LONRF1: variants seen among roughly 807,000 people sequenced by gnomAD.
LONRF1 encodes the protein LON peptidase N-terminal domain and RING finger protein 1.
LONRF1 carries 37 observed loss-of-function variants against 85.8 expected under a neutral mutation model. That is an observed-to-expected ratio of 0.43 (90% CI 0.33 to 0.57). The LOEUF is 0.57. LONRF1 is among the 20% of genes least tolerant of loss of function. LONRF1 has a pLI of 0.04. For synonymous variants in LONRF1, 517 were observed against 390.1 expected, an observed-to-expected ratio of 1.33 and a Z score of -3.83; for missense variants, 1,036 against 978.0, an observed-to-expected ratio of 1.06 and a Z score of -0.79.
At position 12,735,602 on chromosome 8, in the gene LONRF1, TGCCAAAGGCCTAGA is replaced by T; in HGVS notation, c.1452-216_1452-203del. 5 of 530,194 alleles carry T rather than the reference TGCCAAAGGCCTAGA, an allele frequency of 9.4e-6. No homozygotes were observed. The South Asian group carries it at 1.1e-4, about 12-fold the overall frequency. The allele number at this position is 530,194 out of a possible 1,614,324, so 32.8% of individuals were successfully genotyped here. A position where few individuals can be genotyped will look rare whatever the true frequency, so the allele number is the denominator to read the frequency against. On this transcript the variant is annotated intron_variant, in intron 6 of 11. Coordinates refer to ENST00000398246, the MANE Select transcript of LONRF1 (RefSeq NM_152271.5). ...AAATTCTCCATCAACAAAGGCCTCC[TGCCAAAGGCCTAGA>T]GCCAAGGGCCTAGAGCTGTCCTGAC...
chr8:12,754,355 A>C, intron 1 of LONRF1: 2 of 192,934 alleles, frequency 1.0e-5, no homozygotes, highest in East Asian at 1.2e-4. Flanking sequence ...GGGATAGCCC[A>C]GCTACCACCC....
rs80200850 is a variant in LONRF1, at chr8:12,723,059, G to A, written c.*37C>T. ...GACAATCTGGCCATCAATGCAGCCA[G>A]ATTAGGGTCACTTTAAAGGGAGATC... On this transcript the variant is annotated 3_prime_UTR_variant, in exon 12 of 12. Coordinates refer to ENST00000398246, the MANE Select transcript of LONRF1 (RefSeq NM_152271.5). 0.054 allele frequency: 84,796 copies of A among 1,557,958 alleles called. 2,781 individuals are homozygous for A. Among genetic ancestry groups the A allele is most frequent in the Non-Finnish European group, 0.066 (75,510 of 1,148,922 alleles).
At chr8:12,729,950 G>C (rs138404318) in intron 8 of LONRF1, among the ~76,000 whole-genome samples, 1 of 152,276 alleles carries the variant, frequency 6.6e-6, no homozygotes, top group African/African-American at 2.4e-5. Context: ...TGGCAGCATG[G>C]GGGCACTCTG....
At chr8:12,746,986 C>T (rs2117328018) in intron 1 of LONRF1, among the ~76,000 whole-genome samples, 1 of 152,308 alleles carries the variant, frequency 6.6e-6, no homozygotes, top group African/African-American at 2.4e-5. Flanking sequence ...CGTATATATA[C>T]ATTATTTATT....
At chr8:12,750,211 G>T (rs143069632) in intron 1 of LONRF1, among the ~76,000 whole-genome samples, 1 of 152,260 alleles carries the variant, frequency 6.6e-6, no homozygotes, top group East Asian at 1.9e-4. Flanking sequence ...GATCAATTAC[G>T]ATAATAGAAA....
Position 12,755,428 on chromosome 8 carries a change from G to T in LONRF1, c.-8C>A. On this transcript the variant is annotated 5_prime_UTR_variant, in exon 1 of 12. Coordinates refer to ENST00000398246, the MANE Select transcript of LONRF1 (RefSeq NM_152271.5). The stretch of plus-strand genomic sequence containing the variant: ...CACCGCCGGAGAGGACATGGCCCGC[G>T]GAGGGCTGCGCCGCCGCCGCCCGCC... 8.8e-7 allele frequency: 1 copy of T among 1,135,384 alleles called. No individual in the cohort carries two copies. Among genetic ancestry groups the T allele is most frequent in the Non-Finnish European group, 1.1e-6 (1 of 926,654 alleles). 70.3% of individuals were successfully genotyped at this position (1,135,384 alleles called of 1,614,324 possible). A position where few individuals can be genotyped will look rare whatever the true frequency, so the allele number is the denominator to read the frequency against.
intron 1 of LONRF1, among the ~76,000 whole-genome samples, chr8:12,746,170 T>C (rs1799145323): frequency 6.6e-6 from 1 of 152,194 alleles, no homozygotes; most frequent in South Asian, 2.1e-4. Flanking sequence ...AAATCTCTAA[T>C]ACTATTGCAA....
At chr8:12,740,047 A>C (rs1187732455) in intron 3 of LONRF1, among the ~76,000 whole-genome samples, 2 of 152,158 alleles carry the variant, frequency 1.3e-5, no homozygotes, top group Non-Finnish European at 2.9e-5. Context: ...TCTGAATCAA[A>C]GACTTGTAGT....
chr8:12,748,136 C>A (rs1799237642), intron 1 of LONRF1, among the ~76,000 whole-genome samples: 1 of 152,134 alleles, frequency 6.6e-6, no homozygotes, highest in Non-Finnish European at 1.5e-5. Flanking sequence ...AAACGTCTAT[C>A]TTTATGTACC....
intron 1 of LONRF1, among the ~76,000 whole-genome samples, chr8:12,744,600 G>C (rs1166064521): frequency 6.6e-6 from 1 of 152,124 alleles, no homozygotes; most frequent in Non-Finnish European, 1.5e-5. Context: ...TTATAATCTA[G>C]CTAGAAAATT....
chr8:12,737,789 G>C (rs4072355), intron 4 of LONRF1, among the ~76,000 whole-genome samples: 29,246 of 152,022 alleles, frequency 0.19, 3,399 homozygotes, highest in East Asian at 0.35. Context: ...TTCTTTCACG[G>C]GACCTAAAAT....
At chr8:12,729,567 G>A (rs1443427424) in intron 8 of LONRF1, among the ~76,000 whole-genome samples, 3 of 152,142 alleles carry the variant, frequency 2.0e-5, no homozygotes, top group African/African-American at 4.8e-5. Flanking sequence ...TTATTTATAA[G>A]AGTAAACTGA....
At chr8:12,753,253 G>A (rs751948993) in intron 1 of LONRF1, 32 of 152,132 alleles carry the variant, frequency 2.1e-4, no homozygotes, top group Non-Finnish European at 3.7e-4. Flanking sequence ...AACAACACAA[G>A]ATCTTGACAT....
chr8:12,751,507 G>C (rs1202885703), intron 1 of LONRF1, among the ~76,000 whole-genome samples: 2 of 151,480 alleles, frequency 1.3e-5, no homozygotes, highest in African/African-American at 4.8e-5. Flanking sequence ...GTTTCACCAT[G>C]TTGGCCAGGC....
chr8:12,749,725 G>A (rs6991754), intron 1 of LONRF1, among the ~76,000 whole-genome samples: 122,365 of 152,042 alleles, frequency 0.8, 49,735 homozygotes, highest in East Asian at 0.94. Flanking sequence ...GATCTTTTTA[G>A]TAACCCTGAG....
chr8:12,733,729 G>A lies in LONRF1; in HGVS notation c.1566+1557C>T, dbSNP rs115768512. Among the ~76,000 whole-genome samples, 830 of 152,068 alleles carry A rather than the reference G, an allele frequency of 5.5e-3. 3 individuals carry two copies. The highest frequency in any genetic ancestry group is 0.019 in the African/African-American group (797 of 41,470). On this transcript the variant is annotated intron_variant, in intron 7 of 11. Coordinates refer to ENST00000398246, the MANE Select transcript of LONRF1 (RefSeq NM_152271.5). ...AACAACAAAGAAATGTTAAATCACT[G>A]GACTATTATGCTGCTATAAAAACAA...
intron 8 of LONRF1, 174 bp from the exon 9 acceptor site, chr8:12,729,506 A>G (rs1284555936): frequency 6.7e-6 from 4 of 594,106 alleles, no homozygotes; most frequent in African/African-American, 5.6e-5. Context: ...CACCCCGTTC[A>G]CTAAGCTCAC....
Position 12,754,991 on chromosome 8 carries a change from G to T in LONRF1, c.430C>A (p.Arg144Ser), listed in dbSNP as rs1383121020. ...VTVPCGHSYCRRCLRRELRAR... is the reference protein window; with the variant it reads ...VTVPCGHSYCSRCLRRELRAR... ...CGGAGTTCCCTCCGCAGGCAGCGGCGGCAGTAGCTGTGGCCACAGGGCACG... is the reference window on the plus strand; with the variant it reads ...CGGAGTTCCCTCCGCAGGCAGCGGCTGCAGTAGCTGTGGCCACAGGGCACG... The change falls in exon 1 of 12, where the codon CGC becomes AGC. Residue 144 changes from arginine (R) to serine (S), a missense_variant. Around this residue, in one of 3 missense-constraint regions of LONRF1, gnomAD observed 742 missense variants for 614.4 expected, o/e 1.21. Coordinates refer to ENST00000398246, the MANE Select transcript of LONRF1 (RefSeq NM_152271.5). The T allele has an allele frequency of 6.7e-7, 1 of 1,491,806 alleles. No homozygotes were observed. Among genetic ancestry groups the T allele is most frequent in the Non-Finnish European group, 8.9e-7 (1 of 1,127,368 alleles). The allele number at this position is 1,491,806 out of a possible 1,614,324, so 92.4% of individuals were successfully genotyped here.
intron 3 of LONRF1, 67 bp downstream of exon 3, chr8:12,740,806 GC>G: frequency 6.6e-7 from 1 of 1,520,558 alleles, no homozygotes; most frequent in East Asian, 2.3e-5. Flanking sequence ...ACTTTTATTA[GC>G]TTTTTTTTTT....
Sources: gnomAD v4.1 joint callset for allele counts (sites outside exome capture counted in the v4.1 genomes callset) on GRCh38, gnomAD v4.1.1 for gene constraint, gnomAD v4.1.1 regional missense constraint, MANE v1.5 for transcripts, NCBI Gene and HGNC (gene_info 2026-07-23, HGNC 2026-07-21) for gene names.